PNLIP: variants seen among roughly 807,000 people sequenced by gnomAD.
PNLIP encodes the protein pancreatic lipase.
Under a neutral mutation model 57.1 loss-of-function variants are expected in PNLIP, and 49 were observed. The ratio of observed to expected loss-of-function variants is 0.86; its 90% confidence interval spans 0.68 to 1.09. The LOEUF (loss-of-function observed/expected upper bound fraction) is 1.09, where lower values mean the gene tolerates loss of function less well. Ranked by LOEUF, PNLIP falls within the 50% of genes least tolerant of loss-of-function variation. The pLI is 0.00. For missense variants in PNLIP, 503 were observed against 570.2 expected, an observed-to-expected ratio of 0.88 and a Z score of 1.20; for synonymous variants, 209 against 200.4, an observed-to-expected ratio of 1.04 and a Z score of -0.36.
Position 116,555,257 on chromosome 10 carries a change from T to A in PNLIP, c.651T>A (p.Asp217Glu), listed in dbSNP as rs1021602832. ...RLDPSDAKFV[D>E]VIHTDGAPIV... The stretch of plus-strand genomic sequence containing the variant: ...ACCCCAGCGATGCCAAATTTGTGGA[T>A]GTAATTCACACGGATGGTGCCCCCA... The change falls in exon 7 of 13, where the codon GAT becomes GAA. Residue 217 changes from aspartate (D) to glutamate (E), a missense_variant. Asp to Glu is a conservative substitution (Grantham distance 45, BLOSUM62 2). Coordinates refer to ENST00000369221, the MANE Select transcript of PNLIP (RefSeq NM_000936.4). 1.2e-6 allele frequency: 2 copies of A among 1,614,088 alleles called. No homozygotes were observed. The highest frequency in any genetic ancestry group is 1.3e-5 in the African/African-American group (1 of 74,930).
At chr10:116,552,134 A>G (rs1028254378) in intron 5 of PNLIP, among the ~76,000 whole-genome samples, 6 of 152,234 alleles carry the variant, frequency 3.9e-5, no homozygotes, top group African/African-American at 1.4e-4. Context: ...AGTCTACCAC[A>G]TATAATTATG....
Position 116,559,242 on chromosome 10 carries a change from A to G in PNLIP, c.1019A>G (p.Gln340Arg), listed in dbSNP as rs776265555. Residue 340 changes from glutamine to arginine, a missense_variant, in exon 10 of 13, where the codon CAG (glutamine) becomes CGG (arginine). By Grantham distance (43) the Gln-to-Arg change is conservative. Transcript: ENST00000369221. The stretch of plus-strand genomic sequence containing the variant: ...CCTGGGAAAACAAATGATGTGGGCC[A>G]GAAATTTTATCTAGACACTGGTGAT... Reference protein sequence around the residue: ...RYPGKTNDVGQKFYLDTGDAS... With the variant: ...RYPGKTNDVGRKFYLDTGDAS... 7 of 1,613,998 alleles carry G rather than the reference A, an allele frequency of 4.3e-6. No individual in the cohort carries two copies. The East Asian group carries it at 1.3e-4, about 31-fold the overall frequency.
chr10:116,547,481 C>A (rs1216923428), intron 3 of PNLIP, 33 bp downstream of exon 3: 3 of 1,580,528 alleles, frequency 1.9e-6, no homozygotes, highest in African/African-American at 2.7e-5. Context: ...GAACTAAGTT[C>A]TTTGGGAGGC....
intron 12 of PNLIP, among the ~76,000 whole-genome samples, chr10:116,564,168 C>T (rs573948258): frequency 6.6e-6 from 1 of 152,094 alleles, no homozygotes; most frequent in Non-Finnish European, 1.5e-5. Flanking sequence ...CAGGTGATTA[C>T]ACTAAAAACC....
rs1021950726 is a variant in PNLIP, at chr10:116,548,500, C to G, written c.324+18C>G. On this transcript the variant is annotated intron_variant, in intron 4 of 12. Coordinates refer to ENST00000369221, the MANE Select transcript of PNLIP (RefSeq NM_000936.4). Reference sequence around the variant, plus strand: ...TGTGCAAGGTGAGATGTGGTCATCTCTCAAGGAAAGATCGTTTCCAAAGTG... The same window carrying G: ...TGTGCAAGGTGAGATGTGGTCATCTGTCAAGGAAAGATCGTTTCCAAAGTG... 6.2e-7 allele frequency: 1 copy of G among 1,610,300 alleles called. No homozygotes were observed. Among genetic ancestry groups the G allele is most frequent in the East Asian group, 2.2e-5 (1 of 44,828 alleles).
chr10:116,547,345 G>T lies in PNLIP; in HGVS notation c.98G>T (p.Trp33Leu). Reference sequence around the variant, plus strand: ...GGCTGCTTCAGTGATGACTCCCCATGGTCAGGAATTACGGAAAGACCCCTC... The same window carrying T: ...GGCTGCTTCAGTGATGACTCCCCATTGTCAGGAATTACGGAAAGACCCCTC... The part of the protein sequence containing the change: ...RLGCFSDDSP[W>L]SGITERPLHI... Residue 33 changes from tryptophan (W) to leucine (L), a missense_variant, in exon 3 of 13, where the codon TGG (tryptophan) becomes TTG (leucine). Coordinates refer to ENST00000369221, the MANE Select transcript of PNLIP (RefSeq NM_000936.4). 2 of 1,614,020 alleles carry T rather than the reference G, an allele frequency of 1.2e-6. No individual in the cohort carries two copies. The highest frequency in any genetic ancestry group is 8.5e-7 in the Non-Finnish European group (1 of 1,179,948).
In PNLIP at chr10:116,561,648, A is replaced by G. The variant is rs757667073; in HGVS notation, c.1334+12A>G. 1 of 1,601,454 alleles carries G rather than the reference A, an allele frequency of 6.2e-7. No homozygotes were observed. Among genetic ancestry groups the G allele is most frequent in the South Asian group, 1.1e-5 (1 of 88,958 alleles). On this transcript the variant is annotated intron_variant, in intron 12 of 12. Transcript: ENST00000369221. ...AATGTTGGAAAACAGTAAGTAATGA[A>G]AATCCCAGGAGATGTGAAATATCGA...
intron 12 of PNLIP, among the ~76,000 whole-genome samples, chr10:116,566,466 T>A (rs2133210983): frequency 6.6e-6 from 1 of 152,252 alleles, no homozygotes; most frequent in East Asian, 1.9e-4. Context: ...GGATGATAGA[T>A]ATGTTAATAA....
chr10:116,548,287 C>A, intron 3 of PNLIP, 73 bp from the exon 4 acceptor site: 3 of 1,454,014 alleles, frequency 2.1e-6, no homozygotes, highest in Non-Finnish European at 2.8e-6. Context: ...CTACTTACTG[C>A]CCCTCTCCAT....
At position 116,547,440 on chromosome 10, in the gene PNLIP, A is replaced by T. The variant is rs765175608; in HGVS notation, c.193A>T (p.Asn65Tyr). 4 of 1,611,764 alleles carry T rather than the reference A, an allele frequency of 2.5e-6. No individual in the cohort carries two copies. Among genetic ancestry groups the T allele is most frequent in the South Asian group, 1.1e-5 (1 of 90,656 alleles). The part of the protein sequence containing the change: ...FLLYTNENPN[N>Y]FQEVAADSSS... ...CCTATATACTAATGAGAACCCAAAC[A>T]ACTTTCAAGTAAGAACTATCACTGT... Residue 65 changes from asparagine (N) to tyrosine (Y), a missense_variant, in exon 3 of 13, where the codon AAC becomes TAC. By Grantham distance (143) the Asn-to-Tyr change is moderately radical. Coordinates refer to ENST00000369221, the MANE Select transcript of PNLIP (RefSeq NM_000936.4).
At chr10:116,566,289 T>C (rs1466277053) in intron 12 of PNLIP, among the ~76,000 whole-genome samples, 2 of 152,222 alleles carry the variant, frequency 1.3e-5, no homozygotes, top group Non-Finnish European at 2.9e-5. Context: ...ATAATTATAC[T>C]GAATGAAAAG....
intron 10 of PNLIP, 114 bp downstream of exon 10, chr10:116,559,397 CA>C: frequency 1.3e-6 from 1 of 759,034 alleles, no homozygotes; most frequent in Non-Finnish European, 2.1e-6. Context: ...ACCCCCTCTG[CA>C]AGGTGGAAAA....
intron 4 of PNLIP, 86 bp downstream of exon 4, chr10:116,548,568 C>A: frequency 2.1e-6 from 3 of 1,440,268 alleles, no homozygotes; most frequent in Non-Finnish European, 1.9e-6. Context: ...CCAATGAGGA[C>A]AGTGCTTGGA....
At chr10:116,557,147 T>C (rs1189371860) in intron 9 of PNLIP, among the ~76,000 whole-genome samples, 1 of 152,226 alleles carries the variant, frequency 6.6e-6, no homozygotes. Flanking sequence ...AGAAGATCCC[T>C]TCTTTATTTA....
intron 6 of PNLIP, among the ~76,000 whole-genome samples, chr10:116,554,389 A>G (rs1357859943): frequency 6.6e-6 from 1 of 152,160 alleles, no homozygotes; most frequent in Non-Finnish European, 1.5e-5. Context: ...ATAACCCCAG[A>G]GTTGTCAGGG....
chr10:116,547,298 A>G lies in PNLIP; in HGVS notation c.51A>G (p.Lys17=). 13 of 1,614,092 alleles carry G rather than the reference A, an allele frequency of 8.1e-6. No homozygotes were observed. The highest frequency in any genetic ancestry group is 1.0e-5 in the Non-Finnish European group (12 of 1,179,956). ...TATCCTTCTGGGGGATTGCAGGAAA[A>G]GAAGTTTGCTACGAAAGACTCGGCT... ...LSLLLGAVAG[K]EVCYERLGCF... is the part of the protein sequence containing the mutation. Residue 17 remains lysine, a synonymous_variant, in exon 3 of 13, where the codon AAA becomes AAG. Transcript: ENST00000369221.
rs751645445 is a variant in PNLIP at position 116,559,174 on chromosome 10, A to G, written c.951A>G (p.Pro317=). ...ACTAGAACAAGTGTTTCCCTTGTCC[A>G]AGTGGAGGCTGCCCACAGATGGGTC... is the stretch of plus-strand genomic sequence containing the variant. ...VFTANKCFPC[P]SGGCPQMGHY... Residue 317 remains proline (P), a synonymous_variant, in exon 10 of 13, where the codon CCA becomes CCG. Transcript: ENST00000369221. 9 of 1,612,248 alleles carry G rather than the reference A, an allele frequency of 5.6e-6. No individual in the cohort carries two copies. In the East Asian group the frequency reaches 2.0e-4, roughly 36 times the overall value.
chr10:116,555,514 C>A lies in PNLIP; in HGVS notation c.811+7C>A, dbSNP rs370941070. The A allele has an allele frequency of 1.7e-5, 28 of 1,613,224 alleles. No individual in the cohort carries two copies. Among genetic ancestry groups the A allele is most frequent in the Admixed American group, 3.3e-5 (2 of 59,896 alleles). ...ATAGACGGAATCTGGGAAGGTAGAA[C>A]TATTATGTGTAGAAAGAGATCTTCT... On this transcript the variant is annotated splice_region_variant and intron_variant, in intron 8 of 12. Coordinates refer to ENST00000369221, the MANE Select transcript of PNLIP (RefSeq NM_000936.4).
chr10:116,560,109 A>T (rs951365664), intron 10 of PNLIP, among the ~76,000 whole-genome samples: 1 of 152,206 alleles, frequency 6.6e-6, no homozygotes, highest in African/African-American at 2.4e-5. Flanking sequence ...ATAACTTTCA[A>T]GGATAAATTG....
Sources: allele counts gnomAD v4.1 joint callset (sites outside exome capture counted in the v4.1 genomes callset), GRCh38; gene constraint gnomAD v4.1.1; transcripts MANE v1.5; gene names NCBI Gene and HGNC (gene_info 2026-07-23, HGNC 2026-07-21).